Variants in RAB5B observed in about 807,000 individuals in gnomAD.
RAB5B encodes the protein RAB5B, member RAS oncogene family.
RAB5B carries 11 observed loss-of-function variants against 28.6 expected under a neutral mutation model. The observed-to-expected ratio is 0.38, with a 90% CI of 0.24 to 0.64. The LOEUF (loss-of-function observed/expected upper bound fraction) is 0.64. RAB5B is among the 30% of genes least tolerant of loss of function. RAB5B has a pLI of 0.53. For synonymous variants in RAB5B, 93 were observed against 97.9 expected, an observed-to-expected ratio of 0.95 and a Z score of 0.29; for missense variants, 169 against 265.6, an observed-to-expected ratio of 0.64 and a Z score of 2.53.
rs1194079937 is a variant in RAB5B at position 55,993,559 on chromosome 12, T to C, written c.*1347T>C. On this transcript the variant is annotated 3_prime_UTR_variant, in exon 6 of 6. Transcript: ENST00000360299. ...ACACTCAATTTGATATCCATTACCATGTCTTTTCTACTTCCTTGTAAATAG... is the reference window on the plus strand; with the variant it reads ...ACACTCAATTTGATATCCATTACCACGTCTTTTCTACTTCCTTGTAAATAG... 1 of 152,656 alleles carries C rather than the reference T, an allele frequency of 6.6e-6. No individual in the cohort carries two copies. The highest frequency in any genetic ancestry group is 1.5e-5 in the Non-Finnish European group (1 of 68,052). 9.5% of individuals were successfully genotyped at this position (152,656 alleles called of 1,614,324 possible).
chr12:55,974,601 T>C (rs181263349), intron 1 of RAB5B, among the ~76,000 whole-genome samples: 380 of 152,216 alleles, frequency 2.5e-3, no homozygotes, highest in Non-Finnish European at 4.0e-3. Flanking sequence ...GAAGGGTTCT[T>C]AGTTGGGTAA....
chr12:55,974,613 A>G (rs59555216), intron 1 of RAB5B, among the ~76,000 whole-genome samples: 1 of 152,178 alleles, frequency 6.6e-6, no homozygotes, highest in African/African-American at 2.4e-5. Context: ...GTTGGGTAAG[A>G]AGCGTTCTTT....
intron 2 of RAB5B, among the ~76,000 whole-genome samples, chr12:55,987,493 C>T (rs1282781831): frequency 6.6e-6 from 1 of 151,898 alleles, no homozygotes; most frequent in Non-Finnish European, 1.5e-5. Context: ...GATATAAGAC[C>T]TGATTATGGA....
At chr12:55,983,457 G>A (rs568159280) in intron 1 of RAB5B, among the ~76,000 whole-genome samples, 13 of 152,134 alleles carry the variant, frequency 8.5e-5, no homozygotes, top group Admixed American at 1.3e-4. Flanking sequence ...TTCGTCATAG[G>A]CCATTGAAAA....
chr12:55,978,227 C>G (rs1038762208), intron 1 of RAB5B, among the ~76,000 whole-genome samples: 1 of 152,128 alleles, frequency 6.6e-6, no homozygotes, highest in Middle Eastern at 3.2e-3. Flanking sequence ...GGGCCGTGTG[C>G]GGTGGCATGC....
At chr12:55,989,037 GT>G (rs1890035545) in intron 2 of RAB5B, among the ~76,000 whole-genome samples, 1 of 140,276 alleles carries the variant, frequency 7.1e-6, no homozygotes, top group African/African-American at 2.6e-5. Flanking sequence ...CGCTTCCCCA[GT>G]TCAAGCACTT....
intron 2 of RAB5B, among the ~76,000 whole-genome samples, chr12:55,989,570 G>A (rs185490612): frequency 3.5e-4 from 53 of 152,276 alleles, no homozygotes; most frequent in Middle Eastern, 3.4e-3. Context: ...GTGAGCTACC[G>A]TGCCCAGCCC....
intron 1 of RAB5B, chr12:55,980,630 T>G (rs915785675): frequency 6.3e-7 from 1 of 1,598,424 alleles, no homozygotes; most frequent in African/African-American, 1.3e-5. Context: ...CTTATCGGCC[T>G]GCTCCTTCTG....
At chr12:55,988,222 C>T (rs1442423650) in intron 2 of RAB5B, among the ~76,000 whole-genome samples, 1 of 152,168 alleles carries the variant, frequency 6.6e-6, no homozygotes, top group Non-Finnish European at 1.5e-5. Context: ...ATCCCAGCTA[C>T]TTGGGAAGCT....
intron 1 of RAB5B, among the ~76,000 whole-genome samples, chr12:55,977,291 G>T (rs1302701513): frequency 1.3e-5 from 2 of 152,034 alleles, no homozygotes; most frequent in Non-Finnish European, 2.9e-5. Flanking sequence ...GCGTGTGTGT[G>T]TGTGTGTTTT....
rs552694002 is a variant in RAB5B at position 55,976,195 on chromosome 12, A to G, written c.-93+2056A>G. On this transcript the variant is annotated intron_variant, in intron 1 of 5. Coordinates refer to ENST00000360299, the MANE Select transcript of RAB5B (RefSeq NM_002868.4). ...GGTCAAGGATCAGAGACAGCAAATC[A>G]GACTAATCTTGCTTTGCTTTGGGGG... Among the ~76,000 whole-genome samples the G allele has an allele frequency of 5.3e-5, 8 of 152,342 alleles. 1 individual carries two copies. The East Asian group carries it at 1.3e-3, about 26-fold the overall frequency.
rs1890308391 is a variant in RAB5B, at chr12:55,996,369, A to G, written c.*4157A>G. 1 of 152,208 alleles carries G rather than the reference A, an allele frequency of 6.6e-6. No homozygotes were observed. Among genetic ancestry groups the G allele is most frequent in the Non-Finnish European group, 1.5e-5 (1 of 68,046 alleles). 9.4% of individuals were successfully genotyped at this position (152,208 alleles called of 1,614,324 possible). On this transcript the variant is annotated 3_prime_UTR_variant, in exon 6 of 6. Transcript: ENST00000360299. ...GTTTGATAAATTTTGTCCTGCATCA[A>G]ATGACAAAAGGGTAATAGGAAATGT...
At chr12:55,975,909 G>A (rs1346447827) in intron 1 of RAB5B, among the ~76,000 whole-genome samples, 1 of 140,512 alleles carries the variant, frequency 7.1e-6, no homozygotes, top group African/African-American at 2.7e-5. Flanking sequence ...GCGCCACCAC[G>A]CCCAGCTAAT....
intron 3 of RAB5B, 187 bp downstream of exon 3, chr12:55,990,285 G>T (rs1427496975): frequency 3.4e-6 from 2 of 584,404 alleles, no homozygotes; most frequent in African/African-American, 3.8e-5. Context: ...GTGCGCGCCT[G>T]TAGTCCCAGC....
intron 1 of RAB5B, chr12:55,981,041 A>G: frequency 1.2e-6 from 2 of 1,612,582 alleles, no homozygotes; most frequent in Non-Finnish European, 1.7e-6. Flanking sequence ...CATGGCGGAC[A>G]CCGGGGGAGC....
intron 2 of RAB5B, among the ~76,000 whole-genome samples, chr12:55,987,897 C>T (rs926986755): frequency 2.7e-5 from 4 of 150,586 alleles, no homozygotes; most frequent in African/African-American, 4.9e-5. Context: ...CCTGTAATCC[C>T]AGCATTTGGG....
intron 3 of RAB5B, 174 bp downstream of exon 3, chr12:55,990,272 G>C (rs1457970713): frequency 9.0e-6 from 6 of 663,380 alleles, no homozygotes; most frequent in Non-Finnish European, 1.4e-5. Context: ...GTTGGGCGTG[G>C]TGGTGCGCGC....
intron 1 of RAB5B, among the ~76,000 whole-genome samples, chr12:55,981,495 A>G (rs1010010334): frequency 6.6e-6 from 1 of 152,170 alleles, no homozygotes; most frequent in African/African-American, 2.4e-5. Flanking sequence ...GTTGGACTCC[A>G]GTGGCTATAT....
At chr12:55,978,498 C>T (rs557863325) in intron 1 of RAB5B, among the ~76,000 whole-genome samples, 5 of 150,532 alleles carry the variant, frequency 3.3e-5, no homozygotes, top group South Asian at 2.1e-4. Context: ...AGCAAGACTC[C>T]GTCTCAGGAA....
Sources: allele counts gnomAD v4.1 joint callset (sites outside exome capture counted in the v4.1 genomes callset), GRCh38; gene constraint gnomAD v4.1.1; transcripts MANE v1.5; gene names NCBI Gene and HGNC (gene_info 2026-07-23, HGNC 2026-07-21).